Variants in MYOM2 observed in about 807,000 individuals in gnomAD.
The protein encoded by MYOM2 is myomesin 2, also known as myomesin-2.
In MYOM2, 254 loss-of-function variants were observed where a neutral mutation model predicts 187.6. That is an observed-to-expected ratio of 1.35 (90% CI 1.22 to 1.50). The LOEUF (loss-of-function observed/expected upper bound fraction) is 1.50. MYOM2 is among the 40% of genes most tolerant of loss of function. The probability of loss-of-function intolerance (pLI) is 0.00; values close to 1 mark genes in which losing one functional copy is unlikely to be tolerated. For synonymous variants in MYOM2, 981 were observed against 753.8 expected (o/e 1.30, Z -4.94); for missense variants, 2,796 against 1,924.0 (o/e 1.45, Z -8.48).
In MYOM2 at chr8:2,123,262, C is replaced by G; in HGVS notation, c.3464C>G (p.Thr1155Ser). ...CTTTCTACCTCACAGGTTGCAAACACCAAGAAAGAAACCGTTTTCAAATGG... is the reference window on the plus strand; with the variant it reads ...CTTTCTACCTCACAGGTTGCAAACAGCAAGAAAGAAACCGTTTTCAAATGG... ...EVRLVCKVAN[T>S]KKETVFKWLK... The change falls in exon 29 of 37, where the codon ACC becomes AGC. Residue 1155 changes from threonine to serine, a missense_variant. Transcript: ENST00000262113. 2.5e-6 allele frequency: 4 copies of G among 1,611,912 alleles called. No individual in the cohort carries two copies. Among genetic ancestry groups the G allele is most frequent in the Non-Finnish European group, 2.5e-6 (3 of 1,179,246 alleles).
chr8:2,090,261 A>G, intron 15 of MYOM2, 70 bp downstream of exon 15: 1 of 1,434,230 alleles, frequency 7.0e-7, no homozygotes. Flanking sequence ...ATAGCCTTAA[A>G]TTGTGTGAAT....
intron 6 of MYOM2, among the ~76,000 whole-genome samples, chr8:2,062,891 G>A (rs775950365): frequency 2.6e-5 from 4 of 152,112 alleles, no homozygotes; most frequent in Non-Finnish European, 2.9e-5. Context: ...CGTTGACATC[G>A]GTGTTGGCAA....
intron 1 of MYOM2, among the ~76,000 whole-genome samples, chr8:2,047,452 G>A (rs1457669423): frequency 1.3e-5 from 2 of 152,084 alleles, no homozygotes; most frequent in African/African-American, 4.8e-5. Context: ...TGGAGTTGAG[G>A]GCACATTGGC....
chr8:2,099,020 C>G, intron 19 of MYOM2, 37 bp downstream of exon 19: 1 of 1,566,910 alleles, frequency 6.4e-7, no homozygotes, highest in Non-Finnish European at 8.7e-7. Context: ...CGTTCCAGCG[C>G]ACAGGCTGGC....
chr8:2,056,851 C>G (rs1340411669), intron 3 of MYOM2, among the ~76,000 whole-genome samples: 2 of 152,198 alleles, frequency 1.3e-5, no homozygotes, highest in Admixed American at 6.5e-5. Flanking sequence ...GATAAATCCA[C>G]AGAAGTTCCC....
chr8:2,103,779 T>C (rs1464861859), intron 21 of MYOM2, among the ~76,000 whole-genome samples: 1 of 151,698 alleles, frequency 6.6e-6, no homozygotes, highest in Non-Finnish European at 1.5e-5. Flanking sequence ...ATGTGTTATG[T>C]GTTTATGTGT....
rs1363443995 is a variant in MYOM2, at chr8:2,080,914, C to G, written c.1516+1301C>G. On this transcript the variant is annotated intron_variant, in intron 13 of 36. Coordinates refer to ENST00000262113, the MANE Select transcript of MYOM2 (RefSeq NM_003970.4). ...CAGCCCGTGCAGAATGAGGTTGGTT[C>G]TGGCCTGCGGGAGGAACAGGCAGCC... 3.0e-5 allele frequency among the ~76,000 whole-genome samples: 4 copies of G among 134,310 alleles called. No individual in the cohort carries two copies. In the Admixed American group the frequency reaches 3.2e-4, roughly 11 times the overall value. The allele number at this position is 134,310 out of a possible 152,430, so 88.1% of individuals were successfully genotyped here.
At chr8:2,120,784 TATAG>T (rs1194724139) in intron 28 of MYOM2, among the ~76,000 whole-genome samples, 8 of 145,486 alleles carry the variant, frequency 5.5e-5, no homozygotes, top group African/African-American at 1.8e-4. Context: ...AAGAAATTTA[TATAG>T]ATATATAATT....
intron 16 of MYOM2, among the ~76,000 whole-genome samples, chr8:2,093,036 C>T (rs957423660): frequency 8.5e-5 from 13 of 152,158 alleles, no homozygotes; most frequent in African/African-American, 3.1e-4. Context: ...GAGAGACTTG[C>T]TCCTGCTGCC....
At position 2,092,582 on chromosome 8, in the gene MYOM2, C is replaced by G. The variant is rs1446188470; in HGVS notation, c.2003+62C>G. 3.2e-6 allele frequency: 5 copies of G among 1,552,396 alleles called. No homozygotes were observed. The African/African-American group carries it at 6.8e-5, about 21-fold the overall frequency. The stretch of plus-strand genomic sequence containing the variant: ...CAGGAGTAGCAAGACCGTTGAGGTC[C>G]CTGTGGCCCTGGCACAGGGAGTACC... On this transcript the variant is annotated intron_variant, in intron 16 of 36. Transcript: ENST00000262113.
intron 32 of MYOM2, among the ~76,000 whole-genome samples, chr8:2,139,869 T>C (rs1798215321): frequency 6.6e-6 from 1 of 152,230 alleles, no homozygotes. Context: ...AAGGCGGGAA[T>C]GTATGAGCAC....
intron 15 of MYOM2, among the ~76,000 whole-genome samples, chr8:2,092,015 A>G (rs764550438): frequency 2.6e-5 from 4 of 152,310 alleles, no homozygotes; most frequent in South Asian, 2.1e-4. Flanking sequence ...AGTCCAAAAA[A>G]TAGTTGTTAC....
At chr8:2,101,847 A>G (rs1585909092) in intron 20 of MYOM2, among the ~76,000 whole-genome samples, 1 of 152,234 alleles carries the variant, frequency 6.6e-6, no homozygotes, top group African/African-American at 2.4e-5. Flanking sequence ...ATGGAGCAAA[A>G]CTATCATGTG....
chr8:2,103,889 T>G (rs34422603), intron 21 of MYOM2, among the ~76,000 whole-genome samples: 91,241 of 151,758 alleles, frequency 0.6, 27,686 homozygotes, highest in African/African-American at 0.68. Context: ...GAGTGGGAGA[T>G]AGTGCATGTG....
chr8:2,056,498 T>G (rs916879855), intron 3 of MYOM2, among the ~76,000 whole-genome samples: 2 of 150,166 alleles, frequency 1.3e-5, no homozygotes, highest in African/African-American at 4.9e-5. Context: ...AAATGGCATG[T>G]GAGCCGCGAC....
intron 25 of MYOM2, among the ~76,000 whole-genome samples, chr8:2,114,462 T>C (rs564952343): frequency 6.7e-6 from 1 of 149,622 alleles, no homozygotes. Context: ...GCATTATATA[T>C]GACAAAATTT....
chr8:2,092,025 C>A (rs1796320025), intron 15 of MYOM2, among the ~76,000 whole-genome samples: 1 of 151,888 alleles, frequency 6.6e-6, no homozygotes, highest in African/African-American at 2.4e-5. Context: ...ATAGTTGTTA[C>A]CCGGGTAGCC....
At chr8:2,128,691 C>A (rs768788402) in intron 31 of MYOM2, among the ~76,000 whole-genome samples, 1 of 152,176 alleles carries the variant, frequency 6.6e-6, no homozygotes, top group Non-Finnish European at 1.5e-5. Flanking sequence ...GAAGAACCAG[C>A]CGAGGTGCTC....
At chr8:2,137,767 C>T (rs1230411191) in intron 32 of MYOM2, among the ~76,000 whole-genome samples, 1 of 152,150 alleles carries the variant, frequency 6.6e-6, no homozygotes, top group African/African-American at 2.4e-5. Flanking sequence ...GGCCCAGTTC[C>T]CCACTGATCT....
Sources: gnomAD v4.1 joint callset for allele counts (sites outside exome capture counted in the v4.1 genomes callset) on GRCh38, gnomAD v4.1.1 for gene constraint, MANE v1.5 for transcripts, NCBI Gene and HGNC (gene_info 2026-07-23, HGNC 2026-07-21) for gene names.